Variants in FMN1 observed in about 807,000 individuals in gnomAD.
The protein encoded by FMN1 is formin 1.
A neutral mutation model predicts 132.4 loss-of-function variants in FMN1; 110 were observed. The ratio of observed to expected loss-of-function variants is 0.83; its 90% CI spans 0.71 to 0.97. The LOEUF (loss-of-function observed/expected upper bound fraction) is 0.97, where lower values mean the gene tolerates loss of function less well. Among genes scored for constraint, FMN1 ranks in the 50% least tolerant of loss-of-function variants. The pLI, the probability that FMN1 is intolerant of heterozygous loss-of-function variation, is 0.00. For synonymous variants in FMN1, 722 were observed against 651.7 expected (o/e 1.11, Z -1.64); for missense variants, 1,792 against 1,705.3 (o/e 1.05, Z -0.90).
At chr15:33,061,900 A>G (rs994338415) in intron 6 of FMN1, among the ~76,000 whole-genome samples, 13 of 152,158 alleles carry the variant, frequency 8.5e-5, no homozygotes, top group African/African-American at 1.7e-4. Context: ...AGAAAGAGAG[A>G]AAAAAAGTAG....
Position 32,796,548 on chromosome 15 carries a change from T to C in FMN1, c.4130+2256A>G, listed in dbSNP as rs1019381679. ...TATTCGGTTTCTGGGGAAAGTATAA[T>C]TGAAACTATAATATCAAATATCATT... On this transcript the variant is annotated intron_variant, in intron 19 of 20. Coordinates refer to ENST00000616417, the MANE Select transcript of FMN1 (RefSeq NM_001277313.2). Among the ~76,000 whole-genome samples the C allele has an allele frequency of 2.6e-5, 4 of 152,202 alleles. 1 individual carries two copies. The highest frequency in any genetic ancestry group is 9.6e-5 in the African/African-American group (4 of 41,464).
chr15:32,851,133 T>C (rs1313470748), intron 17 of FMN1, among the ~76,000 whole-genome samples: 6 of 152,006 alleles, frequency 3.9e-5, no homozygotes, highest in Non-Finnish European at 8.8e-5. Flanking sequence ...ACTTAGAAAA[T>C]AGTTTCATAG....
chr15:33,023,043 A>C (rs2035488023), intron 6 of FMN1, among the ~76,000 whole-genome samples: 1 of 119,838 alleles, frequency 8.3e-6, no homozygotes, highest in Admixed American at 1.1e-4. Context: ...CAAGACCCTG[A>C]TCCCCCTCCC....
intron 6 of FMN1, among the ~76,000 whole-genome samples, chr15:33,057,526 T>C (rs2037273400): frequency 6.6e-6 from 1 of 152,172 alleles, no homozygotes; most frequent in African/African-American, 2.4e-5. Flanking sequence ...AGGATGAAAA[T>C]CCAAACAAGT....
At position 33,125,094 on chromosome 15, in the gene FMN1, A is replaced by C. The variant is rs568480612; in HGVS notation, c.1867+27954T>G. ...TTTTTCCACCAGCCCCTCTCTGTGA[A>C]ATAACATAATGCCTTAGAACATTAC... On this transcript the variant is annotated intron_variant, in intron 4 of 20. Coordinates refer to ENST00000616417, the MANE Select transcript of FMN1 (RefSeq NM_001277313.2). Among the ~76,000 whole-genome samples the C allele has an allele frequency of 1.0e-3, 153 of 152,240 alleles. 1 individual carries two copies. The highest frequency in any genetic ancestry group is 1.9e-3 in the Non-Finnish European group (130 of 68,032).
chr15:32,848,581 T>C (rs1040578874), intron 17 of FMN1, among the ~76,000 whole-genome samples: 1 of 152,182 alleles, frequency 6.6e-6, no homozygotes, highest in Admixed American at 6.5e-5. Flanking sequence ...GTAATGAGAC[T>C]GTGAGTAAGA....
chr15:32,894,920 T>G (rs372390842), intron 15 of FMN1, among the ~76,000 whole-genome samples: 95 of 152,292 alleles, frequency 6.2e-4, no homozygotes, highest in African/African-American at 2.3e-3. Flanking sequence ...TGCTTGTAAA[T>G]TAAAAGCAGA....
At chr15:32,961,616 C>T (rs1045109502) in intron 9 of FMN1, among the ~76,000 whole-genome samples, 3 of 152,178 alleles carry the variant, frequency 2.0e-5, no homozygotes, top group African/African-American at 4.8e-5. Flanking sequence ...AAATGGTAGC[C>T]GTAGTAGTAA....
At position 32,969,119 on chromosome 15, in the gene FMN1, G is replaced by T; in HGVS notation, c.2582C>A (p.Ala861Glu). ...HAALQPMEGM[A>E]SNQQKALPPP... ...AGGCAATGCCTTCTGCTGATTTGAT[G>T]CCATGCCCTCCATTGGCTGGAGTGC... The change falls in exon 8 of 21, where the codon GCA becomes GAA. Residue 861 changes from alanine to glutamate, a missense_variant. This residue lies in a region of FMN1 where 1,150 missense variants were observed against 1,043.1 expected (regional missense o/e 1.10). Transcript: ENST00000616417. 1 of 1,613,430 alleles carries T rather than the reference G, an allele frequency of 6.2e-7. No individual in the cohort carries two copies. The highest frequency in any genetic ancestry group is 8.5e-7 in the Non-Finnish European group (1 of 1,179,508).
intron 4 of FMN1, among the ~76,000 whole-genome samples, chr15:33,131,772 A>G (rs1963560339): frequency 6.6e-6 from 1 of 152,156 alleles, no homozygotes; most frequent in African/African-American, 2.4e-5. Context: ...GGTGTAGTCA[A>G]CACTTACTAG....
intron 3 of FMN1, among the ~76,000 whole-genome samples, chr15:33,171,191 A>AT (rs1288727116): frequency 1.3e-5 from 2 of 152,208 alleles, no homozygotes; most frequent in Non-Finnish European, 2.9e-5. Flanking sequence ...AGAGAGCAGA[A>AT]TTATAGTTTC....
intron 4 of FMN1, among the ~76,000 whole-genome samples, chr15:33,108,253 TG>T (rs2039560839): frequency 6.6e-6 from 1 of 151,912 alleles, no homozygotes; most frequent in Non-Finnish European, 1.5e-5. Context: ...AGAAAAGATA[TG>T]AAACTCAATC....
intron 7 of FMN1, among the ~76,000 whole-genome samples, chr15:32,988,682 A>T (rs879690462): frequency 1.6e-4 from 25 of 152,182 alleles, no homozygotes; most frequent in African/African-American, 6.0e-4. Context: ...TGCTAACTAG[A>T]AGTAACCAGA....
chr15:32,958,482 T>C (rs2030092992), intron 9 of FMN1, among the ~76,000 whole-genome samples: 1 of 152,130 alleles, frequency 6.6e-6, no homozygotes, highest in Non-Finnish European at 1.5e-5. Context: ...AGATGATGGG[T>C]AAGATTTCTT....
At chr15:33,092,269 G>A (rs765131415) in intron 4 of FMN1, among the ~76,000 whole-genome samples, 4 of 152,138 alleles carry the variant, frequency 2.6e-5, no homozygotes, top group South Asian at 2.1e-4. Context: ...GAATGCAAAG[G>A]TAATAATATG....
intron 4 of FMN1, among the ~76,000 whole-genome samples, chr15:33,141,748 C>A (rs140871836): frequency 2.0e-5 from 3 of 152,106 alleles, no homozygotes; most frequent in South Asian, 2.1e-4. Flanking sequence ...GTACCTCCCC[C>A]CTTGCAGCTG....
chr15:33,178,295 C>G (rs892539569), intron 3 of FMN1, among the ~76,000 whole-genome samples: 2 of 152,200 alleles, frequency 1.3e-5, no homozygotes, highest in African/African-American at 4.8e-5. Context: ...GATCCAAACG[C>G]TATTTGCACT....
At chr15:33,156,776 G>T (rs1418842367) in intron 3 of FMN1, among the ~76,000 whole-genome samples, 8 of 152,120 alleles carry the variant, frequency 5.3e-5, no homozygotes, top group Non-Finnish European at 1.0e-4. Flanking sequence ...GTCAATATCC[G>T]CTGAGCACTA....
At chr15:33,095,753 C>T (rs1022190993) in intron 4 of FMN1, among the ~76,000 whole-genome samples, 1 of 152,100 alleles carries the variant, frequency 6.6e-6, no homozygotes, top group African/African-American at 2.4e-5. Flanking sequence ...AACATTTTCC[C>T]TTTTATGTCA....
Sources: allele counts gnomAD v4.1 joint callset (sites outside exome capture counted in the v4.1 genomes callset), GRCh38; gene constraint gnomAD v4.1.1; regional missense constraint gnomAD v4.1.1; transcripts MANE v1.5; gene names NCBI Gene and HGNC (gene_info 2026-07-23, HGNC 2026-07-21).